The following PTH2R variants were observed in gnomAD, a reference collection of about 807,000 sequenced individuals.
PTH2R encodes PTH2 receptor.
A neutral mutation model predicts 60.3 loss-of-function variants in PTH2R; 59 were observed. The ratio of observed to expected loss-of-function variants is 0.98; its 90% CI spans 0.79 to 1.22. PTH2R has a LOEUF of 1.22. Among genes scored for constraint, PTH2R ranks in the 50% most tolerant of loss-of-function variants. The pLI, the probability that PTH2R is intolerant of heterozygous loss-of-function variation, is 0.00. For synonymous variants in PTH2R, 256 were observed against 243.8 expected (o/e 1.05, Z -0.47); for missense variants, 749 against 682.6 (o/e 1.10, Z -1.08).
At chr2:208,476,682 T>C (rs971914035) in intron 9 of PTH2R, among the ~76,000 whole-genome samples, 9 of 152,164 alleles carry the variant, frequency 5.9e-5, no homozygotes, top group African/African-American at 2.2e-4. Flanking sequence ...ATATGATGTA[T>C]TTAGAGTGTC....
chr2:208,464,091 T>C (rs1463407207), intron 9 of PTH2R, among the ~76,000 whole-genome samples: 1 of 152,272 alleles, frequency 6.6e-6, no homozygotes, highest in Non-Finnish European at 1.5e-5. Flanking sequence ...ATTTTAGGTG[T>C]ATCAGAAGGC....
intron 4 of PTH2R, 64 bp from the exon 5 acceptor site, chr2:208,442,300 A>C (rs868619983): frequency 8.4e-6 from 10 of 1,188,524 alleles, no homozygotes; most frequent in Non-Finnish European, 1.2e-5. Context: ...ATGACATACT[A>C]TTTCTTTGCC....
At chr2:208,482,921 C>T (rs914913810) in intron 10 of PTH2R, among the ~76,000 whole-genome samples, 3 of 152,206 alleles carry the variant, frequency 2.0e-5, no homozygotes, top group South Asian at 2.1e-4. Context: ...GACTGCACGT[C>T]CATTCATAGG....
chr2:208,474,409 C>G (rs1386191239), intron 9 of PTH2R, among the ~76,000 whole-genome samples: 1 of 152,110 alleles, frequency 6.6e-6, no homozygotes, highest in Non-Finnish European at 1.5e-5. Context: ...AGGGAAGAGA[C>G]AACACCAAAC....
chr2:208,385,111 A>G (rs1700979507), intron 1 of PTH2R, among the ~76,000 whole-genome samples: 1 of 152,234 alleles, frequency 6.6e-6, no homozygotes, highest in South Asian at 2.1e-4. Context: ...TTATTCTCCA[A>G]GTTACATTTA....
At chr2:208,391,920 T>C (rs181410157) in intron 1 of PTH2R, among the ~76,000 whole-genome samples, 16 of 152,272 alleles carry the variant, frequency 1.1e-4, no homozygotes, top group Middle Eastern at 3.4e-3. Context: ...CAGAGCAGTA[T>C]ATAATCCACA....
At chr2:208,378,432 G>A (rs1352436304) in intron 1 of PTH2R, among the ~76,000 whole-genome samples, 2 of 152,100 alleles carry the variant, frequency 1.3e-5, no homozygotes, top group Non-Finnish European at 2.9e-5. Context: ...AATATGTAAG[G>A]TAAGATTGAT....
chr2:208,462,938 G>A (rs1046315763), intron 9 of PTH2R, among the ~76,000 whole-genome samples: 2 of 152,192 alleles, frequency 1.3e-5, no homozygotes, highest in East Asian at 1.9e-4. Flanking sequence ...ACAACCAAAG[G>A]TTTAGACATT....
At chr2:208,360,893 C>G (rs1380311573) in intron 1 of PTH2R, 4 of 203,418 alleles carry the variant, frequency 2.0e-5, no homozygotes, top group Non-Finnish European at 4.2e-5. Context: ...CCTCCACGCA[C>G]TTGATGTATA....
chr2:208,363,905 G>A (rs1440446137), intron 1 of PTH2R, among the ~76,000 whole-genome samples: 2 of 152,068 alleles, frequency 1.3e-5, no homozygotes, highest in Admixed American at 6.5e-5. Flanking sequence ...GTAGATTCTG[G>A]ATATTAGACC....
chr2:208,408,494 T>C (rs545638641), intron 1 of PTH2R, among the ~76,000 whole-genome samples: 45 of 152,136 alleles, frequency 3.0e-4, no homozygotes, highest in Admixed American at 2.7e-3. Flanking sequence ...TCTAGATTAC[T>C]TTTTGTAAGG....
intron 1 of PTH2R, among the ~76,000 whole-genome samples, chr2:208,372,596 T>G (rs944633943): frequency 6.6e-6 from 1 of 151,964 alleles, no homozygotes; most frequent in African/African-American, 2.4e-5. Context: ...ATACCTAATA[T>G]AATAAGAGGG....
At position 208,488,877 on chromosome 2, in the gene PTH2R, T is replaced by C. The variant is rs1055290867; in HGVS notation, c.1077-135T>C. The C allele has an allele frequency of 3.3e-6, 3 of 896,618 alleles. No homozygotes were observed. In the African/African-American group the frequency reaches 5.1e-5, roughly 15 times the overall value. 55.5% of individuals were successfully genotyped at this position (896,618 alleles called of 1,614,324 possible). ...GGGAGACAGATAGAGTGAAACCCTG[T>C]CTCAAGAAAAGATAAAAAGAAAGTG... On this transcript the variant is annotated intron_variant, in intron 10 of 12. Coordinates refer to ENST00000272847, the MANE Select transcript of PTH2R (RefSeq NM_005048.4).
intron 7 of PTH2R, among the ~76,000 whole-genome samples, chr2:208,449,440 T>TAGATAGAC (rs1702356625): frequency 6.6e-6 from 1 of 150,992 alleles, no homozygotes; most frequent in Admixed American, 6.6e-5. Context: ...AGAAATGTGA[T>TAGATAGAC]AGATAGATAG....
intron 1 of PTH2R, among the ~76,000 whole-genome samples, chr2:208,377,249 T>G (rs1574818835): frequency 1.3e-5 from 2 of 152,154 alleles, no homozygotes; most frequent in African/African-American, 2.4e-5. Context: ...CAGAACAAAA[T>G]GAAGTCTCCC....
intron 1 of PTH2R, among the ~76,000 whole-genome samples, chr2:208,391,094 A>T (rs918163927): frequency 5.3e-5 from 8 of 152,180 alleles, no homozygotes; most frequent in Admixed American, 4.6e-4. Context: ...GGAGGGAGGC[A>T]GGGAAAGCAG....
chr2:208,374,309 T>G (rs530726533), intron 1 of PTH2R, among the ~76,000 whole-genome samples: 26 of 152,174 alleles, frequency 1.7e-4, no homozygotes, highest in African/African-American at 5.8e-4. Context: ...TAACTTCTGT[T>G]TTACTTACTC....
chr2:208,377,056 T>G (rs1700806296), intron 1 of PTH2R, among the ~76,000 whole-genome samples: 1 of 151,886 alleles, frequency 6.6e-6, no homozygotes, highest in Admixed American at 6.6e-5. Flanking sequence ...TACTTGAGAT[T>G]AGGGAGTGGT....
intron 1 of PTH2R, among the ~76,000 whole-genome samples, chr2:208,423,089 G>A (rs1295620438): frequency 6.6e-6 from 1 of 151,102 alleles, no homozygotes; most frequent in Non-Finnish European, 1.5e-5. Flanking sequence ...CAATTTCATT[G>A]ATTTATCCTC....
Sources: gnomAD v4.1 joint callset for allele counts (sites outside exome capture counted in the v4.1 genomes callset) on GRCh38, gnomAD v4.1.1 for gene constraint, MANE v1.5 for transcripts, NCBI Gene and HGNC (gene_info 2026-07-23, HGNC 2026-07-21) for gene names.